Variants in MED13 observed in about 807,000 individuals in gnomAD.
MED13 encodes the protein mediator complex subunit 13, also known as mediator of RNA polymerase II transcription subunit 13.
Under a neutral mutation model 225.2 loss-of-function variants are expected in MED13, and 23 were observed. The observed-to-expected ratio is 0.10, with a 90% CI of 0.07 to 0.14. The LOEUF is 0.14. MED13 is among the 10% of genes least tolerant of loss of function. The pLI is 1.00. For synonymous variants in MED13, 942 were observed against 889.2 expected, an observed-to-expected ratio of 1.06 and a Z score of -1.06; for missense variants, 2,197 against 2,594.5, an observed-to-expected ratio of 0.85 and a Z score of 3.33.
chr17:62,006,213 G>A (rs6504079), intron 9 of MED13: 55,095 of 138,430 alleles, frequency 0.4, 12,925 homozygotes, highest in East Asian at 0.74. Context: ...GAAATGAGAA[G>A]AAGGGGTTAC....
chr17:61,965,258 G>A lies in MED13; in HGVS notation c.4592C>T (p.Ser1531Leu). The change falls in exon 20 of 30, where the codon TCA (serine) becomes TTA (leucine). Residue 1531 changes from serine (S) to leucine (L), a missense_variant. Physicochemically the swap from Ser to Leu is moderately radical, Grantham distance 145. This residue lies in a region of MED13 where 457 missense variants were observed against 442.2 expected (regional missense o/e 1.03). Transcript: ENST00000397786. Reference sequence around the variant, plus strand: ...TGAAGTTGAAGCTGTGGTCAAAGTTGAATTAGCTGTGGCAACTGAAGTAGA... The same window carrying A: ...TGAAGTTGAAGCTGTGGTCAAAGTTAAATTAGCTGTGGCAACTGAAGTAGA... ...AISTSVATANSTLTTASTSSS... is the reference protein window; with the variant it reads ...AISTSVATANLTLTTASTSSS... 1 of 1,614,096 alleles carries A rather than the reference G, an allele frequency of 6.2e-7. No individual in the cohort carries two copies. The highest frequency in any genetic ancestry group is 8.5e-7 in the Non-Finnish European group (1 of 1,179,918).
At chr17:62,009,642 T>C (rs1010490565) in intron 9 of MED13, among the ~76,000 whole-genome samples, 12 of 152,172 alleles carry the variant, frequency 7.9e-5, no homozygotes, top group African/African-American at 2.7e-4. Context: ...TTAAACTATA[T>C]ACCAGTTGCT....
chr17:62,007,436 A>C (rs181336840), intron 9 of MED13: 14 of 152,352 alleles, frequency 9.2e-5, no homozygotes, highest in Admixed American at 7.8e-4. Flanking sequence ...AAAGTTGAGA[A>C]TCCCCTGAGA....
chr17:62,054,395 AT>A (rs1307269434), intron 2 of MED13, among the ~76,000 whole-genome samples: 4 of 152,194 alleles, frequency 2.6e-5, no homozygotes, highest in Middle Eastern at 3.2e-3. Context: ...GTATAGAATA[AT>A]TTTTTAAGTC....
At chr17:62,015,915 CATATATATATATATAT>C (rs1198126410) in intron 8 of MED13, among the ~76,000 whole-genome samples, 109 of 8,602 alleles carry the variant, frequency 0.013, 1 homozygote, top group Non-Finnish European at 0.02. Flanking sequence ...ACACTATACA[CATATATATATATATAT>C]ATATATATAT....
chr17:62,056,791 T>C (rs1292648990), intron 2 of MED13, among the ~76,000 whole-genome samples: 1 of 152,166 alleles, frequency 6.6e-6, no homozygotes, highest in Admixed American at 6.5e-5. Context: ...CCTTCTCTTG[T>C]AGCTCTATGT....
chr17:61,995,777 C>G (rs966242138), intron 9 of MED13, among the ~76,000 whole-genome samples: 7 of 152,010 alleles, frequency 4.6e-5, no homozygotes, highest in African/African-American at 1.7e-4. Context: ...ACAATTTATA[C>G]ATTTATACAA....
At chr17:62,052,102 G>A (rs751628839) in intron 3 of MED13, among the ~76,000 whole-genome samples, 3 of 151,996 alleles carry the variant, frequency 2.0e-5, no homozygotes, top group Non-Finnish European at 2.9e-5. Flanking sequence ...TTAATTAAAG[G>A]GAATTGAGAG....
At chr17:61,999,572 C>A (rs1353752457) in intron 9 of MED13, among the ~76,000 whole-genome samples, 1 of 152,164 alleles carries the variant, frequency 6.6e-6, no homozygotes, top group African/African-American at 2.4e-5. Context: ...TGTTCCACTC[C>A]AACCTCTCCT....
At chr17:62,049,078 CAAAA>C (rs890393330) in intron 3 of MED13, among the ~76,000 whole-genome samples, 16 of 45,328 alleles carry the variant, frequency 3.5e-4, no homozygotes, top group African/African-American at 1.1e-3. Context: ...GTAAATAAGA[CAAAA>C]AAAAAAAAAA....
At chr17:61,991,613 T>A (rs1302370075) in intron 11 of MED13, among the ~76,000 whole-genome samples, 4 of 152,154 alleles carry the variant, frequency 2.6e-5, no homozygotes, top group Admixed American at 2.0e-4. Flanking sequence ...GGTTCAAGCA[T>A]TCTCCTGCCT....
At chr17:61,958,525 G>T (rs1460197493) in intron 23 of MED13, among the ~76,000 whole-genome samples, 2 of 152,014 alleles carry the variant, frequency 1.3e-5, no homozygotes, top group African/African-American at 4.8e-5. Flanking sequence ...TTTTAGTAGA[G>T]ACAGGGTTTC....
At chr17:61,989,389 T>A (rs1200565872) in intron 11 of MED13, among the ~76,000 whole-genome samples, 1 of 152,168 alleles carries the variant, frequency 6.6e-6, no homozygotes, top group Non-Finnish European at 1.5e-5. Flanking sequence ...TCACCCAGGC[T>A]GGAGTGCAAT....
intron 10 of MED13, among the ~76,000 whole-genome samples, chr17:61,994,144 G>A (rs546297587): frequency 2.0e-5 from 3 of 151,890 alleles, no homozygotes; most frequent in African/African-American, 4.8e-5. Flanking sequence ...GACTACAGGC[G>A]CCCGCCATCG....
intron 5 of MED13, among the ~76,000 whole-genome samples, chr17:62,032,951 A>G (rs950821455): frequency 6.6e-6 from 1 of 152,050 alleles, no homozygotes; most frequent in African/African-American, 2.4e-5. Flanking sequence ...GGAATTTGAG[A>G]CCAGCCTGGC....
chr17:61,958,059 T>C (rs1359651227), intron 23 of MED13, among the ~76,000 whole-genome samples: 1 of 148,792 alleles, frequency 6.7e-6, no homozygotes, highest in Non-Finnish European at 1.5e-5. Context: ...AGAGATGGGG[T>C]TTCACTGTGT....
rs754869128 is a variant in MED13 at position 61,964,972 on chromosome 17, A to G, written c.4844+34T>C. On this transcript the variant is annotated intron_variant, in intron 20 of 29. Coordinates refer to ENST00000397786, the MANE Select transcript of MED13 (RefSeq NM_005121.3). ...AGAAAGAAGCAGCATCATAGTTTTT[A>G]TATTTCTGCAAAAATCAGTATTTTT... 5 of 1,569,924 alleles carry G rather than the reference A, an allele frequency of 3.2e-6. No individual in the cohort carries two copies. The African/African-American group carries it at 4.1e-5, about 13-fold the overall frequency.
intron 2 of MED13, among the ~76,000 whole-genome samples, chr17:62,056,572 G>A (rs981712047): frequency 6.6e-6 from 1 of 151,256 alleles, no homozygotes; most frequent in African/African-American, 2.4e-5. Context: ...AGACTAGCCT[G>A]GCAATACAGG....
At chr17:62,048,064 G>GTA (rs1357948287) in intron 3 of MED13, among the ~76,000 whole-genome samples, 1 of 112,878 alleles carries the variant, frequency 8.9e-6, no homozygotes, top group African/African-American at 4.3e-5. Context: ...ATATATATAT[G>GTA]TATATATGTA....
Sources: allele counts gnomAD v4.1 joint callset (sites outside exome capture counted in the v4.1 genomes callset), GRCh38; gene constraint gnomAD v4.1.1; regional missense constraint gnomAD v4.1.1; transcripts MANE v1.5; gene names NCBI Gene and HGNC (gene_info 2026-07-23, HGNC 2026-07-21).